The following DCLRE1C variants were observed in gnomAD, a reference collection of about 807,000 sequenced individuals.
DCLRE1C encodes the protein protein artemis.
A neutral mutation model predicts 61.4 loss-of-function variants in DCLRE1C; 47 were observed. The observed-to-expected ratio is 0.77, with a 90% CI of 0.61 to 0.98. DCLRE1C has a LOEUF of 0.98. DCLRE1C is among the 50% of genes least tolerant of loss of function. The pLI, the probability that DCLRE1C is intolerant of heterozygous loss-of-function variation, is 0.00. For synonymous variants in DCLRE1C, 337 were observed against 287.6 expected (o/e 1.17, Z -1.74); for missense variants, 858 against 816.0 (o/e 1.05, Z -0.63).
intron 4 of DCLRE1C, among the ~76,000 whole-genome samples, chr10:14,936,823 C>G (rs1448828877): frequency 6.6e-6 from 1 of 152,124 alleles, no homozygotes; most frequent in African/African-American, 2.4e-5. Flanking sequence ...CCAAGATAAG[C>G]GAAAACCGAT....
intron 13 of DCLRE1C, among the ~76,000 whole-genome samples, chr10:14,918,623 GT>G (rs202230932): frequency 1.6e-4 from 23 of 140,054 alleles, no homozygotes; most frequent in African/African-American, 4.3e-4. Flanking sequence ...CAGGAAAGCT[GT>G]TTTTTAAAAA....
chr10:14,933,048 T>C (rs1839292948), intron 8 of DCLRE1C, 93 bp from the exon 9 acceptor site: 1 of 1,353,110 alleles, frequency 7.4e-7, no homozygotes, highest in Admixed American at 1.8e-5. Context: ...ACCCAGTTAG[T>C]GAATTAACCC....
chr10:14,947,886 C>A (rs1214639434), intron 2 of DCLRE1C, among the ~76,000 whole-genome samples: 1 of 152,036 alleles, frequency 6.6e-6, no homozygotes, highest in Non-Finnish European at 1.5e-5. Context: ...ATGGTAAAAC[C>A]CCTCTCTACC....
At chr10:14,930,141 T>C (rs35461657) in intron 9 of DCLRE1C, among the ~76,000 whole-genome samples, 27,669 of 151,996 alleles carry the variant, frequency 0.18, 2,625 homozygotes, top group African/African-American at 0.22. Flanking sequence ...AGACGGGGTT[T>C]CACTCTGTCA....
intron 10 of DCLRE1C, among the ~76,000 whole-genome samples, chr10:14,927,575 G>C (rs1400032441): frequency 6.9e-6 from 1 of 144,540 alleles, no homozygotes; most frequent in Non-Finnish European, 1.5e-5. Context: ...GGAGGGAGTG[G>C]GGGGGGAGAA....
chr10:14,950,681 C>A (rs1842336978), intron 1 of DCLRE1C, among the ~76,000 whole-genome samples: 1 of 152,180 alleles, frequency 6.6e-6, no homozygotes, highest in Non-Finnish European at 1.5e-5. Flanking sequence ...TGCGCCATGG[C>A]AAAGAGGAGG....
Position 14,954,015 on chromosome 10 carries a change from C to T in DCLRE1C, c.-5G>A. 6.2e-7 allele frequency: 1 copy of T among 1,613,972 alleles called. No homozygotes were observed. The highest frequency in any genetic ancestry group is 8.5e-7 in the Non-Finnish European group (1 of 1,179,916). ...CTGCCCCTCGAAAGAACTCATAGCG[C>T]CGCCGATCCCAGAGTCCGGGACCCC... On this transcript the variant is annotated 5_prime_UTR_variant, in exon 1 of 14. Transcript: ENST00000378278.
chr10:14,946,001 AT>A (rs550588102), intron 2 of DCLRE1C, among the ~76,000 whole-genome samples: 2 of 137,126 alleles, frequency 1.5e-5, no homozygotes, highest in East Asian at 4.5e-4. Context: ...TAATTTCATA[AT>A]AAACTTTTTT....
chr10:14,922,985 C>T lies in DCLRE1C; in HGVS notation c.1057G>A (p.Glu353Lys), dbSNP rs541855040. Residue 353 changes from glutamate (E) to lysine (K), a missense_variant, in exon 12 of 14, where the codon GAA becomes AAA. This residue lies in a region of DCLRE1C where 843 missense variants were observed against 783.5 expected (regional missense o/e 1.08). Coordinates refer to ENST00000378278, the MANE Select transcript of DCLRE1C (RefSeq NM_001033855.3). ...CCACAACCAGTGACTACTCACATTT[C>T]GACAACTTTATCCATAGTTGTGCCA... ...PVGTTMDKVVEILKPLCRSSQ... is the reference protein window; with the variant it reads ...PVGTTMDKVVKILKPLCRSSQ... The T allele has an allele frequency of 7.4e-6, 12 of 1,613,140 alleles. No individual in the cohort carries two copies. The highest frequency in any genetic ancestry group is 3.3e-5 in the South Asian group (3 of 91,060).
At chr10:14,930,865 T>C (rs1032030824) in intron 9 of DCLRE1C, among the ~76,000 whole-genome samples, 6 of 152,186 alleles carry the variant, frequency 3.9e-5, no homozygotes, top group Admixed American at 3.3e-4. Flanking sequence ...GAATGCAACA[T>C]AGAATATGCA....
In DCLRE1C at chr10:14,927,426, C is replaced by G. The variant is rs191668033; in HGVS notation, c.918-529G>C. On this transcript the variant is annotated intron_variant, in intron 10 of 13. Coordinates refer to ENST00000378278, the MANE Select transcript of DCLRE1C (RefSeq NM_001033855.3). ...AAGGGAGGGAGGGAGGGAGGGACCT[C>G]TTGCAGATATTCTGAACAGCCAAAG... 2.8e-3 allele frequency among the ~76,000 whole-genome samples: 406 copies of G among 147,054 alleles called. 2 individuals are homozygous for G. Among genetic ancestry groups the G allele is most frequent in the African/African-American group, 9.6e-3 (379 of 39,676 alleles).
chr10:14,927,705 A>G (rs1838257143), intron 10 of DCLRE1C, among the ~76,000 whole-genome samples: 1 of 151,698 alleles, frequency 6.6e-6, no homozygotes, highest in Non-Finnish European at 1.5e-5. Flanking sequence ...CATGATAGTC[A>G]CTCCTCTGCT....
Position 14,936,783 on chromosome 10 carries a change from G to C in DCLRE1C, c.307-190C>G, listed in dbSNP as rs527506268. Among the ~76,000 whole-genome samples, 6 of 152,164 alleles carry C rather than the reference G, an allele frequency of 3.9e-5. No homozygotes were observed. The South Asian group carries it at 8.3e-4, about 21-fold the overall frequency. On this transcript the variant is annotated intron_variant, in intron 4 of 13. Transcript: ENST00000378278. ...CACTCAACAAACAGAATTCCCATGG[G>C]ACTGAGCAATTTCACCACTAGTTAT...
At position 14,930,235 on chromosome 10, in the gene DCLRE1C, G is replaced by T. The variant is rs904106060; in HGVS notation, c.781-2083C>A. Among the ~76,000 whole-genome samples the T allele has an allele frequency of 2.1e-5, 3 of 142,746 alleles. No individual in the cohort carries two copies. The Admixed American group carries it at 2.1e-4, about 10-fold the overall frequency. 93.6% of individuals were successfully genotyped at this position (142,746 alleles called of 152,430 possible). A position where few individuals can be genotyped will look rare whatever the true frequency, so the allele number is the denominator to read the frequency against. ...CAAGCAATTCTCCCACCTCAGCTTC[G>T]TAAGTATCTGGGACTCCAGGCATGC... On this transcript the variant is annotated intron_variant, in intron 9 of 13. Transcript: ENST00000378278.
At chr10:14,925,897 G>A (rs536624467) in intron 11 of DCLRE1C, among the ~76,000 whole-genome samples, 30 of 152,200 alleles carry the variant, frequency 2.0e-4, no homozygotes, top group South Asian at 4.1e-4. Context: ...CCCATGTGTC[G>A]GAGGGACCAG....
chr10:14,939,569 C>A (rs1840532092), intron 4 of DCLRE1C, among the ~76,000 whole-genome samples: 1 of 152,068 alleles, frequency 6.6e-6, no homozygotes, highest in African/African-American at 2.4e-5. Context: ...ACTCAGTCTA[C>A]GGTAGTTTTG....
At chr10:14,926,794 C>T (rs1240625757) in intron 11 of DCLRE1C, 49 bp downstream of exon 11, 2 of 1,462,692 alleles carry the variant, frequency 1.4e-6, no homozygotes, top group East Asian at 4.5e-5. Flanking sequence ...ACTACCAAGG[C>T]TGCAGAACAC....
At chr10:14,949,193 G>A (rs1026365383) in intron 1 of DCLRE1C, 106 bp from the exon 2 acceptor site, 4 of 789,896 alleles carry the variant, frequency 5.1e-6, no homozygotes, top group African/African-American at 3.5e-5. Flanking sequence ...AACCCATGAG[G>A]TTTGCTTTTA....
intron 7 of DCLRE1C, 77 bp from the exon 8 acceptor site, chr10:14,934,597 C>A: frequency 1.2e-6 from 2 of 1,613,626 alleles, no homozygotes; most frequent in Non-Finnish European, 1.7e-6. Context: ...GTCCCAGGTA[C>A]TCACACCTAC....
Sources: allele counts gnomAD v4.1 joint callset (sites outside exome capture counted in the v4.1 genomes callset), GRCh38; gene constraint gnomAD v4.1.1; regional missense constraint gnomAD v4.1.1; transcripts MANE v1.5; gene names NCBI Gene and HGNC (gene_info 2026-07-23, HGNC 2026-07-21).